Variants in ATAD2 observed in about 807,000 individuals in gnomAD.
ATAD2 encodes the protein ATPase family AAA domain containing 2.
A neutral mutation model predicts 168.9 loss-of-function variants in ATAD2; 62 were observed. That is an observed-to-expected ratio of 0.37 (90% confidence interval 0.30 to 0.45). The LOEUF is 0.45. Ranked by LOEUF, ATAD2 falls within the 20% of genes least tolerant of loss-of-function variation. ATAD2 has a pLI of 1.00. For synonymous variants in ATAD2, 613 were observed against 571.6 expected (o/e 1.07, Z -1.03); for missense variants, 1,419 against 1,667.8 (o/e 0.85, Z 2.60).
intron 1 of ATAD2, among the ~76,000 whole-genome samples, chr8:123,386,081 C>G (rs565046880): frequency 6.6e-6 from 1 of 151,110 alleles, no homozygotes; most frequent in African/African-American, 2.4e-5. Flanking sequence ...AACTGGAATC[C>G]TTGTGTGTTG....
chr8:123,361,673 A>T, intron 8 of ATAD2, 27 bp from the exon 9 acceptor site: 1 of 1,561,718 alleles, frequency 6.4e-7, no homozygotes, highest in Non-Finnish European at 8.8e-7. Context: ...AATTGAAATC[A>T]TGATAAGGAA....
chr8:123,371,412 C>A lies in ATAD2; in HGVS notation c.537-74G>T, dbSNP rs1451392665. 6 of 1,210,866 alleles carry A rather than the reference C, an allele frequency of 5.0e-6. No homozygotes were observed. The East Asian group carries it at 1.3e-4, about 26-fold the overall frequency. The allele number at this position is 1,210,866 out of a possible 1,614,324, so 75.0% of individuals were successfully genotyped here. A position where few individuals can be genotyped will look rare whatever the true frequency, so the allele number is the denominator to read the frequency against. ...GAATTTTAAAAACTTTATTTTTCTT[C>A]CATTGCAAACTTTTGGCACTAAGGT... is the stretch of plus-strand genomic sequence containing the variant. On this transcript the variant is annotated intron_variant, in intron 4 of 27. Transcript: ENST00000287394.
chr8:123,331,684 G>A (rs921927423), intron 24 of ATAD2, among the ~76,000 whole-genome samples: 2 of 152,156 alleles, frequency 1.3e-5, no homozygotes, highest in African/African-American at 4.8e-5. Context: ...TCTGCTTCTT[G>A]GGAGCACTTC....
intron 12 of ATAD2, among the ~76,000 whole-genome samples, chr8:123,356,738 C>A (rs978478599): frequency 6.6e-6 from 1 of 150,790 alleles, no homozygotes. Context: ...ACCTCTGCCT[C>A]CTGGGTTCAA....
intron 26 of ATAD2, among the ~76,000 whole-genome samples, chr8:123,324,404 G>A (rs2131271748): frequency 6.6e-6 from 1 of 152,286 alleles, no homozygotes; most frequent in South Asian, 2.1e-4. Context: ...CAGGTAAATT[G>A]GAATTGGGAT....
At chr8:123,396,468 A>G (rs1213972996), upstream of ATAD2, 10 of 1,200,308 alleles carry the variant, frequency 8.3e-6, no homozygotes, top group Middle Eastern at 2.9e-4. Context: ...GCTCCGCGCC[A>G]GCGGCCGCAG....
intron 1 of ATAD2, among the ~76,000 whole-genome samples, chr8:123,410,447 T>C (rs6989927): frequency 0.94 from 142,491 of 152,200 alleles, 66,736 homozygotes; most frequent in East Asian, 0.99. Flanking sequence ...CCATCACACC[T>C]GGCTAATTTT....
At chr8:123,322,885 ATATTAATG>A in intron 27 of ATAD2, 45 bp downstream of exon 27, 2 of 1,557,442 alleles carry the variant, frequency 1.3e-6, no homozygotes, top group Non-Finnish European at 1.8e-6. Context: ...CATAAGTGAT[ATATTAATG>A]TGACCACAAG....
chr8:123,408,614 T>C (rs1563873236), intron 1 of ATAD2, among the ~76,000 whole-genome samples: 1 of 152,144 alleles, frequency 6.6e-6, no homozygotes, highest in Non-Finnish European at 1.5e-5. Flanking sequence ...CCTCTGGGGT[T>C]CAAGCTATTC....
intron 15 of ATAD2, 160 bp downstream of exon 15, chr8:123,348,023 A>G (rs759162581): frequency 1.4e-6 from 1 of 693,026 alleles, no homozygotes; most frequent in Non-Finnish European, 2.5e-6. Context: ...AACAAATATA[A>G]CCTTGTATTT....
At chr8:123,362,041 T>C (rs1392659332) in intron 8 of ATAD2, among the ~76,000 whole-genome samples, 3 of 152,162 alleles carry the variant, frequency 2.0e-5, no homozygotes, top group Non-Finnish European at 4.4e-5. Context: ...GGGGGAAGGA[T>C]CACTTGACAG....
At chr8:123,411,486 G>A (rs915738328) in intron 1 of ATAD2, among the ~76,000 whole-genome samples, 4 of 152,160 alleles carry the variant, frequency 2.6e-5, no homozygotes, top group Admixed American at 6.6e-5. Context: ...CTAAGAATCC[G>A]TAAGCCTAGC....
chr8:123,393,170 G>C (rs536530140), intron 1 of ATAD2, among the ~76,000 whole-genome samples: 1 of 146,326 alleles, frequency 6.8e-6, no homozygotes, highest in South Asian at 2.2e-4. Context: ...GGGTGACAGA[G>C]CGAAACTCCA....
intron 8 of ATAD2, among the ~76,000 whole-genome samples, chr8:123,363,046 G>A: frequency 6.6e-6 from 1 of 152,252 alleles, no homozygotes; most frequent in East Asian, 1.9e-4. Context: ...AAGACTCACA[G>A]AAAAAACAAA....
intron 1 of ATAD2, chr8:123,401,595 C>A: frequency 7.9e-7 from 1 of 1,266,694 alleles, no homozygotes. Context: ...ATGTGGTTGC[C>A]CCCAGGGCAC....
chr8:123,360,586 T>C (rs937842465), intron 9 of ATAD2, among the ~76,000 whole-genome samples: 1 of 152,074 alleles, frequency 6.6e-6, no homozygotes, highest in African/African-American at 2.4e-5. Flanking sequence ...TCAAAAATAT[T>C]CAGAAATAGT....
chr8:123,320,338 A>G lies in ATAD2; in HGVS notation c.*796T>C, dbSNP rs1163596641. 4.6e-5 allele frequency: 7 copies of G among 151,454 alleles called. No homozygotes were observed. The East Asian group carries it at 1.3e-3, about 29-fold the overall frequency. The allele number at this position is 151,454 out of a possible 1,614,324, so 9.4% of individuals were successfully genotyped here. A position where few individuals can be genotyped will look rare whatever the true frequency, so the allele number is the denominator to read the frequency against. ...ATTAATATAAAATTATAATATTTAT[A>G]TTTATAAAATTGTATATAAAAAGTA... On this transcript the variant is annotated 3_prime_UTR_variant, in exon 28 of 28. Transcript: ENST00000287394.
intron 13 of ATAD2, among the ~76,000 whole-genome samples, chr8:123,355,757 T>C (rs1828621946): frequency 6.6e-6 from 1 of 152,188 alleles, no homozygotes; most frequent in African/African-American, 2.4e-5. Context: ...AGCAACTGAA[T>C]ATGCTCTTGT....
chr8:123,362,358 A>T (rs1198421132), intron 8 of ATAD2, among the ~76,000 whole-genome samples: 1 of 151,626 alleles, frequency 6.6e-6, no homozygotes, highest in African/African-American at 2.4e-5. Flanking sequence ...TCAATATTAC[A>T]CTATACATAA....
Sources: allele counts gnomAD v4.1 joint callset (sites outside exome capture counted in the v4.1 genomes callset), GRCh38; gene constraint gnomAD v4.1.1; transcripts MANE v1.5; gene names NCBI Gene and HGNC (gene_info 2026-07-23, HGNC 2026-07-21).